Variants in HS3ST4 observed in about 807,000 individuals in gnomAD.
The protein encoded by HS3ST4 is heparan sulfate glucosamine 3-O-sulfotransferase 4.
Under a neutral mutation model 29.2 loss-of-function variants are expected in HS3ST4, and 17 were observed. The ratio of observed to expected loss-of-function variants is 0.58; its 90% CI spans 0.40 to 0.87. The LOEUF (loss-of-function observed/expected upper bound fraction) is 0.87. HS3ST4 is among the 40% of genes least tolerant of loss of function. The pLI, the probability that HS3ST4 is intolerant of heterozygous loss-of-function variation, is 0.00. For synonymous variants in HS3ST4, 314 were observed against 285.7 expected, an observed-to-expected ratio of 1.10 and a Z score of -1.00; for missense variants, 627 against 634.5, an observed-to-expected ratio of 0.99 and a Z score of 0.13.
intron 1 of HS3ST4, among the ~76,000 whole-genome samples, chr16:25,716,873 G>A (rs1489120840): frequency 1.3e-5 from 2 of 152,126 alleles, no homozygotes; most frequent in Non-Finnish European, 2.9e-5. Context: ...GGCCAACATG[G>A]TGAAACCCCA....
chr16:26,127,722 G>A (rs1596691459), intron 1 of HS3ST4, among the ~76,000 whole-genome samples: 1 of 152,286 alleles, frequency 6.6e-6, no homozygotes, highest in African/African-American at 2.4e-5. Context: ...GGATATCATG[G>A]GGAATAATGA....
chr16:26,011,429 A>T (rs190400291), intron 1 of HS3ST4, among the ~76,000 whole-genome samples: 1 of 152,244 alleles, frequency 6.6e-6, no homozygotes, highest in Admixed American at 6.5e-5. Context: ...GCGTGGTGGC[A>T]CACATCTGTA....
chr16:25,793,339 C>T (rs1055250455), intron 1 of HS3ST4, among the ~76,000 whole-genome samples: 1 of 151,840 alleles, frequency 6.6e-6, no homozygotes, highest in Non-Finnish European at 1.5e-5. Context: ...GGATATTTTG[C>T]TCTGCTTGTT....
chr16:25,821,654 C>T (rs188354728), intron 1 of HS3ST4, among the ~76,000 whole-genome samples: 4 of 152,180 alleles, frequency 2.6e-5, no homozygotes, highest in African/African-American at 7.2e-5. Context: ...CTGCTGGGCA[C>T]GGTGGCTCAC....
At chr16:26,085,239 A>G (rs1272573562) in intron 1 of HS3ST4, among the ~76,000 whole-genome samples, 1 of 152,226 alleles carries the variant, frequency 6.6e-6, no homozygotes, top group Non-Finnish European at 1.5e-5. Context: ...TGGAAACACA[A>G]CAGTAACACC....
At chr16:26,105,056 C>A (rs1298367516) in intron 1 of HS3ST4, among the ~76,000 whole-genome samples, 2 of 152,212 alleles carry the variant, frequency 1.3e-5, no homozygotes, top group Non-Finnish European at 2.9e-5. Context: ...CCCCCGAAAG[C>A]CTCTTCTCCC....
intron 1 of HS3ST4, among the ~76,000 whole-genome samples, chr16:25,813,400 G>A (rs1038355286): frequency 8.6e-5 from 13 of 151,882 alleles, no homozygotes; most frequent in African/African-American, 2.4e-4. Flanking sequence ...TGAGGCGGGC[G>A]GATCACTTGA....
rs79931730 is a variant in HS3ST4, at chr16:25,755,305, T to C, written c.734+62154T>C. Among the ~76,000 whole-genome samples the C allele has an allele frequency of 3.5e-3, 534 of 152,290 alleles. 5 individuals are homozygous for C. The highest frequency in any genetic ancestry group is 0.012 in the African/African-American group (514 of 41,564). ...ATAATATGAAAGTGTGTTCATAATG[T>C]AATCCTCAGGAGACTAAAGGAGCCT... On this transcript the variant is annotated intron_variant, in intron 1 of 1. Transcript: ENST00000331351.
At chr16:25,821,498 G>T (rs1967155841) in intron 1 of HS3ST4, among the ~76,000 whole-genome samples, 1 of 151,984 alleles carries the variant, frequency 6.6e-6, no homozygotes, top group Non-Finnish European at 1.5e-5. Flanking sequence ...CATTTGTTTG[G>T]TCTGTTGCAA....
At chr16:25,773,902 T>G (rs1596566554) in intron 1 of HS3ST4, among the ~76,000 whole-genome samples, 1 of 152,212 alleles carries the variant, frequency 6.6e-6, no homozygotes, top group Non-Finnish European at 1.5e-5. Flanking sequence ...CCTGTCCCTT[T>G]AAACCAGCCC....
At position 25,756,111 on chromosome 16, in the gene HS3ST4, AAC is replaced by A. The variant is rs1008972212; in HGVS notation, c.734+62974_734+62975del. Among the ~76,000 whole-genome samples the A allele has an allele frequency of 5.4e-3, 784 of 144,584 alleles. 5 individuals carry two copies. Among genetic ancestry groups the A allele is most frequent in the African/African-American group, 0.019 (734 of 38,306 alleles). 94.9% of individuals were successfully genotyped at this position (144,584 alleles called of 152,430 possible). Reference sequence around the variant, plus strand: ...ATACAACTCTAGGTGGTGTTATAGAAACACACACACACACATACACACACACA... The same window carrying A: ...ATACAACTCTAGGTGGTGTTATAGAAACACACACACACATACACACACACA... On this transcript the variant is annotated intron_variant, in intron 1 of 1. Coordinates refer to ENST00000331351, the MANE Select transcript of HS3ST4 (RefSeq NM_006040.3).
intron 1 of HS3ST4, among the ~76,000 whole-genome samples, chr16:25,861,345 G>C (rs1567258124): frequency 2.0e-5 from 3 of 152,120 alleles, no homozygotes; most frequent in African/African-American, 7.2e-5. Context: ...TTCTTCAGCT[G>C]TTTCAATGAC....
At chr16:26,028,830 A>G (rs1969503699) in intron 1 of HS3ST4, 1 of 152,240 alleles carries the variant, frequency 6.6e-6, no homozygotes, top group Admixed American at 6.5e-5. Flanking sequence ...TTATGAAACC[A>G]TCTACGTTTT....
chr16:25,828,994 G>A (rs117476873), intron 1 of HS3ST4, among the ~76,000 whole-genome samples: 36 of 152,298 alleles, frequency 2.4e-4, no homozygotes, highest in Non-Finnish European at 4.1e-4. Flanking sequence ...GCAATAAATA[G>A]CATTCCTCTC....
At chr16:26,027,099 T>C (rs1348251564) in intron 1 of HS3ST4, among the ~76,000 whole-genome samples, 1 of 152,196 alleles carries the variant, frequency 6.6e-6, no homozygotes, top group East Asian at 1.9e-4. Flanking sequence ...TATGAAGAAA[T>C]ATTTATTTTA....
chr16:25,978,562 G>A (rs1968968366), intron 1 of HS3ST4, among the ~76,000 whole-genome samples: 1 of 152,260 alleles, frequency 6.6e-6, no homozygotes. Flanking sequence ...CCAGAACCCA[G>A]TGTGAATAGA....
intron 1 of HS3ST4, among the ~76,000 whole-genome samples, chr16:25,798,822 C>T (rs930982582): frequency 6.6e-6 from 1 of 152,166 alleles, no homozygotes; most frequent in Non-Finnish European, 1.5e-5. Context: ...CCTGTAGTCC[C>T]AGTATGACAT....
chr16:26,053,769 G>A (rs1430882263), intron 1 of HS3ST4, among the ~76,000 whole-genome samples: 2 of 151,944 alleles, frequency 1.3e-5, no homozygotes, highest in Non-Finnish European at 2.9e-5. Flanking sequence ...TTTCTTATTC[G>A]TTACTTGTAT....
Position 25,864,610 on chromosome 16 carries a change from T to A in HS3ST4, c.734+171459T>A, listed in dbSNP as rs138935145. ...ACTCTCCTCTTCTATGGGTTCCACA[T>A]TGTAAAATTCCACATATAAGGGAGG... On this transcript the variant is annotated intron_variant, in intron 1 of 1. Transcript: ENST00000331351. Among the ~76,000 whole-genome samples the A allele has an allele frequency of 1.5e-3, 229 of 152,224 alleles. 2 individuals carry two copies. Among genetic ancestry groups the A allele is most frequent in the African/African-American group, 5.0e-3 (208 of 41,532 alleles).
Sources: gnomAD v4.1 joint callset for allele counts (sites outside exome capture counted in the v4.1 genomes callset) on GRCh38, gnomAD v4.1.1 for gene constraint, MANE v1.5 for transcripts, NCBI Gene and HGNC (gene_info 2026-07-23, HGNC 2026-07-21) for gene names.